Variants in LSAMP observed in about 807,000 individuals in gnomAD.
LSAMP encodes the protein limbic system-associated membrane protein.
A neutral mutation model predicts 38.6 loss-of-function variants in LSAMP; 7 were observed. The ratio of observed to expected loss-of-function variants is 0.18; its 90% CI spans 0.10 to 0.34. The LOEUF is 0.34. Among genes scored for constraint, LSAMP ranks in the 10% least tolerant of loss-of-function variants. The pLI is 1.00. For missense variants in LSAMP, 313 were observed against 420.0 expected (o/e 0.75, Z 2.23); for synonymous variants, 154 against 166.8 (o/e 0.92, Z 0.59).
intron 2 of LSAMP, among the ~76,000 whole-genome samples, chr3:116,072,105 AG>A (rs1461293650): frequency 6.7e-6 from 1 of 150,242 alleles, no homozygotes; most frequent in Non-Finnish European, 1.5e-5. Context: ...CCTCCTGAGT[AG>A]CTGGGACTAC....
In LSAMP at chr3:115,885,288, T is replaced by G. The variant is rs930591724; in HGVS notation, c.515-32671A>C. ...AGAGAGATTTATACACAACAGAAGC[T>G]ATTTTGTGTTAAAGAATTTTAAGAG... is the stretch of plus-strand genomic sequence containing the variant. On this transcript the variant is annotated intron_variant, in intron 3 of 6. Coordinates refer to ENST00000490035, the MANE Select transcript of LSAMP (RefSeq NM_002338.5). Among the ~76,000 whole-genome samples, 8 of 152,058 alleles carry G rather than the reference T, an allele frequency of 5.3e-5. No individual in the cohort carries two copies. The South Asian group carries it at 1.7e-3, about 32-fold the overall frequency.
intron 3 of LSAMP, among the ~76,000 whole-genome samples, chr3:116,004,285 G>A (rs9869887): frequency 0.47 from 71,000 of 151,626 alleles, 18,116 homozygotes; most frequent in African/African-American, 0.69. Context: ...CAAGGCTAAA[G>A]AGTATTTCAT....
At chr3:115,883,232 A>T (rs569353197) in intron 3 of LSAMP, among the ~76,000 whole-genome samples, 2 of 152,230 alleles carry the variant, frequency 1.3e-5, no homozygotes, top group East Asian at 3.9e-4. Flanking sequence ...GTACATTGCC[A>T]TCTATTAGAA....
chr3:115,845,492 G>A (rs1935129676), intron 4 of LSAMP, among the ~76,000 whole-genome samples: 2 of 152,144 alleles, frequency 1.3e-5, no homozygotes, highest in Admixed American at 6.5e-5. Context: ...AAAAATTTGG[G>A]AAGAAGAAAC....
intron 1 of LSAMP, among the ~76,000 whole-genome samples, chr3:116,210,302 G>A (rs1213850207): frequency 2.6e-5 from 4 of 152,168 alleles, no homozygotes; most frequent in African/African-American, 9.7e-5. Flanking sequence ...AGTGGGTTTG[G>A]AGAGGCAGAT....
At chr3:115,935,200 G>C (rs1409175273) in intron 3 of LSAMP, among the ~76,000 whole-genome samples, 1 of 151,984 alleles carries the variant, frequency 6.6e-6, no homozygotes, top group African/African-American at 2.4e-5. Context: ...GGAAATAGAG[G>C]GGATAGAGGT....
At chr3:115,818,226 T>C (rs77942762) in intron 6 of LSAMP, among the ~76,000 whole-genome samples, 2,300 of 152,298 alleles carry the variant, frequency 0.015, 26 homozygotes, top group Middle Eastern at 0.024. Flanking sequence ...GGTACGACTC[T>C]TGTGCAAAGT....
chr3:116,344,506 C>A (rs1221577425), intron 1 of LSAMP, among the ~76,000 whole-genome samples: 1 of 152,026 alleles, frequency 6.6e-6, no homozygotes, highest in Non-Finnish European at 1.5e-5. Flanking sequence ...ATACTCATAA[C>A]CCTACCTTCA....
rs148237141 is a variant in LSAMP, at chr3:116,251,127, T to C, written c.156-164571A>G. 3.0e-3 allele frequency among the ~76,000 whole-genome samples: 455 copies of C among 152,318 alleles called. 2 individuals are homozygous for C. Among genetic ancestry groups the C allele is most frequent in the Middle Eastern group, 0.014 (4 of 294 alleles). The stretch of plus-strand genomic sequence containing the variant: ...TAAGATATGTGGTTTCAAGCAACAG[T>C]TTCTCTTTTTACAAAACGTGTCCCT... On this transcript the variant is annotated intron_variant, in intron 1 of 6. Transcript: ENST00000490035.
chr3:116,263,926 C>T (rs896794033), intron 1 of LSAMP, among the ~76,000 whole-genome samples: 2 of 152,054 alleles, frequency 1.3e-5, no homozygotes, highest in Non-Finnish European at 2.9e-5. Context: ...AAGGTACACT[C>T]GTAACTGCTT....
At chr3:115,904,784 A>G (rs1484718560) in intron 3 of LSAMP, among the ~76,000 whole-genome samples, 1 of 152,042 alleles carries the variant, frequency 6.6e-6, no homozygotes, top group African/African-American at 2.4e-5. Flanking sequence ...CAACCTCGTA[A>G]TTTACCACTT....
intron 1 of LSAMP, among the ~76,000 whole-genome samples, chr3:116,243,570 A>T (rs1245930589): frequency 2.6e-5 from 4 of 152,244 alleles, no homozygotes; most frequent in Non-Finnish European, 5.9e-5. Flanking sequence ...TTAACTACTC[A>T]ATGCATGTTT....
chr3:116,320,196 C>T (rs1243410227), intron 1 of LSAMP, among the ~76,000 whole-genome samples: 1 of 152,032 alleles, frequency 6.6e-6, no homozygotes, highest in African/African-American at 2.4e-5. Flanking sequence ...GGGTGGATCA[C>T]GAGGTCAGGA....
intron 1 of LSAMP, among the ~76,000 whole-genome samples, chr3:116,155,914 G>A (rs1709736632): frequency 6.6e-6 from 1 of 152,122 alleles, no homozygotes. Context: ...TTGCAAAACT[G>A]TTTGCTGTAA....
intron 3 of LSAMP, among the ~76,000 whole-genome samples, chr3:115,941,614 CT>C (rs1937924330): frequency 1.3e-5 from 2 of 151,960 alleles, no homozygotes. Flanking sequence ...TATTATTCAG[CT>C]AATAAAAAAG....
chr3:116,320,040 A>C (rs2047687055), intron 1 of LSAMP, among the ~76,000 whole-genome samples: 2 of 152,128 alleles, frequency 1.3e-5, no homozygotes, highest in Admixed American at 6.6e-5. Flanking sequence ...TCCCATCAAA[A>C]TGATGTCAGA....
chr3:115,923,567 T>A (rs931830984), intron 3 of LSAMP, among the ~76,000 whole-genome samples: 1 of 152,226 alleles, frequency 6.6e-6, no homozygotes, highest in Admixed American at 6.5e-5. Context: ...ATTTAGATAA[T>A]CTATGTGAGA....
At chr3:115,869,047 A>G (rs1225201741) in intron 3 of LSAMP, among the ~76,000 whole-genome samples, 2 of 152,148 alleles carry the variant, frequency 1.3e-5, no homozygotes, top group Non-Finnish European at 2.9e-5. Flanking sequence ...TCTAGCACAC[A>G]GTTTGAAAAC....
At chr3:115,900,512 CAAAAAAAAAAA>C (rs5851983) in intron 3 of LSAMP, among the ~76,000 whole-genome samples, 2 of 74,352 alleles carry the variant, frequency 2.7e-5, no homozygotes, top group South Asian at 5.0e-4. Context: ...TGAGACTGTC[CAAAAAAAAAAA>C]AAAAAAAAAA....
Sources: allele counts gnomAD v4.1 joint callset (sites outside exome capture counted in the v4.1 genomes callset), GRCh38; gene constraint gnomAD v4.1.1; transcripts MANE v1.5; gene names NCBI Gene and HGNC (gene_info 2026-07-23, HGNC 2026-07-21).